The following STK3 variants were observed in gnomAD, a reference collection of about 807,000 sequenced individuals.
The protein encoded by STK3 is serine/threonine-protein kinase 3.
A neutral mutation model predicts 58.0 loss-of-function variants in STK3; 41 were observed. The observed-to-expected ratio is 0.71, with a 90% CI of 0.55 to 0.92. The LOEUF (loss-of-function observed/expected upper bound fraction) is 0.92. Ranked by LOEUF, STK3 falls within the 40% of genes least tolerant of loss-of-function variation. The pLI, the probability that STK3 is intolerant of heterozygous loss-of-function variation, is 0.00. For synonymous variants in STK3, 170 were observed against 191.0 expected, an observed-to-expected ratio of 0.89 and a Z score of 0.91; for missense variants, 479 against 602.7, an observed-to-expected ratio of 0.79 and a Z score of 2.15.
intron 3 of STK3, among the ~76,000 whole-genome samples, chr8:98,841,853 A>G (rs943116573): frequency 6.6e-6 from 1 of 152,142 alleles, no homozygotes; most frequent in African/African-American, 2.4e-5. Context: ...AGGAAAGACA[A>G]AGTATCTTTC....
chr8:98,360,982 A>C, the STK3 span, among the ~76,000 whole-genome samples: 1 of 152,214 alleles, frequency 6.6e-6, no homozygotes, highest in African/African-American at 2.4e-5. Context: ...TTCCACATCT[A>C]TAGCACCCAA....
chr8:98,766,573 A>G (rs983544418), intron 3 of STK3, among the ~76,000 whole-genome samples: 2 of 152,128 alleles, frequency 1.3e-5, no homozygotes, highest in East Asian at 1.9e-4. Context: ...CCAAGCTACC[A>G]CCTGGATAAT....
chr8:98,458,469 G>A (rs1184307275), intron 10 of STK3, among the ~76,000 whole-genome samples: 6 of 152,086 alleles, frequency 3.9e-5, no homozygotes, highest in Non-Finnish European at 5.9e-5. Flanking sequence ...TATTGTAAAA[G>A]GGGTTGAGTT....
At chr8:98,386,939 C>A (rs1586544709) in intron 1 of STK3, among the ~76,000 whole-genome samples, 1 of 152,184 alleles carries the variant, frequency 6.6e-6, no homozygotes, top group Non-Finnish European at 1.5e-5. Flanking sequence ...GCCTGGGGAA[C>A]AGGGCGAGAC....
intron 10 of STK3, among the ~76,000 whole-genome samples, chr8:98,506,947 T>C (rs1296016722): frequency 6.6e-6 from 1 of 152,210 alleles, no homozygotes; most frequent in Non-Finnish European, 1.5e-5. Flanking sequence ...GCTCCAGAAC[T>C]GTAAAACAAC....
intron 3 of STK3, among the ~76,000 whole-genome samples, chr8:98,838,102 A>G (rs1052528518): frequency 1.3e-5 from 2 of 148,212 alleles, no homozygotes; most frequent in Non-Finnish European, 3.0e-5. Flanking sequence ...AAAAAGTCAG[A>G]TGTGGTAGGG....
At chr8:98,712,474 G>A (rs988744086) in intron 4 of STK3, among the ~76,000 whole-genome samples, 7 of 151,286 alleles carry the variant, frequency 4.6e-5, no homozygotes, top group African/African-American at 1.5e-4. Context: ...AAAAGGCAGG[G>A]GTTGCAATCC....
chr8:98,573,087 G>A (rs1049568271), intron 8 of STK3, among the ~76,000 whole-genome samples: 2 of 152,130 alleles, frequency 1.3e-5, no homozygotes, highest in Admixed American at 1.3e-4. Context: ...GCACTTTGAA[G>A]ACAGTTTTAG....
chr8:98,884,622 C>T (rs1161072046), intron 1 of STK3, among the ~76,000 whole-genome samples: 2 of 152,132 alleles, frequency 1.3e-5, no homozygotes, highest in Non-Finnish European at 2.9e-5. Context: ...TGCGAGCCCC[C>T]AAGATGACAG....
chr8:98,741,201 A>G (rs1829175524), intron 4 of STK3, among the ~76,000 whole-genome samples: 1 of 152,320 alleles, frequency 6.6e-6, no homozygotes, highest in East Asian at 1.9e-4. Flanking sequence ...CAGAAAGTTA[A>G]CAAGGATATC....
chr8:98,901,699 G>A (rs867961940), intron 1 of STK3, among the ~76,000 whole-genome samples: 1 of 152,266 alleles, frequency 6.6e-6, no homozygotes, highest in South Asian at 2.1e-4. Context: ...CCCTTGGGAT[G>A]ACCGAAGCCT....
intron 3 of STK3, chr8:98,413,792 G>A (rs761006799): frequency 1.4e-5 from 9 of 628,706 alleles, no homozygotes; most frequent in Non-Finnish European, 2.4e-5. Flanking sequence ...CATCTTCTCC[G>A]AGGGTGGGGG....
upstream of STK3, among the ~76,000 whole-genome samples, chr8:98,828,437 C>CAAAAAAAAAAAAAAAAAAA: frequency 2.1e-5 from 1 of 48,576 alleles, no homozygotes; most frequent in Non-Finnish European, 3.5e-5. Flanking sequence ...CCCATCTCTA[C>CAAAAAAAAAAAAAAAAAAA]AAAAAAAAAA....
intron 3 of STK3, among the ~76,000 whole-genome samples, chr8:98,830,969 CAAAAAAA>C (rs760622434): frequency 4.0e-4 from 24 of 59,926 alleles, no homozygotes; most frequent in African/African-American, 6.3e-4. Flanking sequence ...GACTCTGTCT[CAAAAAAA>C]AAAAAAAAAA....
At chr8:98,459,604 C>T (rs1819782806) in intron 10 of STK3, among the ~76,000 whole-genome samples, 1 of 152,244 alleles carries the variant, frequency 6.6e-6, no homozygotes, top group Non-Finnish European at 1.5e-5. Context: ...CATTTCATCA[C>T]AGGCATGGAG....
At chr8:98,493,497 A>C (rs563426960) in intron 10 of STK3, among the ~76,000 whole-genome samples, 1 of 152,266 alleles carries the variant, frequency 6.6e-6, no homozygotes, top group Non-Finnish European at 1.5e-5. Flanking sequence ...TTCGGGTTTT[A>C]GCTCTCCTAT....
chr8:98,543,456 A>C (rs1810449393), intron 9 of STK3, among the ~76,000 whole-genome samples: 1 of 152,138 alleles, frequency 6.6e-6, no homozygotes, highest in African/African-American at 2.4e-5. Flanking sequence ...CTTGCACTAA[A>C]GAAATGCAAG....
chr8:98,667,417 C>T (rs1822445643), intron 6 of STK3, among the ~76,000 whole-genome samples: 1 of 151,986 alleles, frequency 6.6e-6, no homozygotes, highest in Admixed American at 6.6e-5. Context: ...TATTTTAAAC[C>T]ACCTTAAACA....
intron 3 of STK3, among the ~76,000 whole-genome samples, chr8:98,840,234 C>A (rs932111691): frequency 1.3e-5 from 2 of 151,348 alleles, no homozygotes; most frequent in African/African-American, 4.9e-5. Flanking sequence ...AGTAATCCAG[C>A]CACTCAGGAG....
Sources: gnomAD v4.1 joint callset for allele counts (sites outside exome capture counted in the v4.1 genomes callset) on GRCh38, gnomAD v4.1.1 for gene constraint, MANE v1.5 for transcripts, NCBI Gene and HGNC (gene_info 2026-07-23, HGNC 2026-07-21) for gene names.